Variants in SHISA9 observed in about 807,000 individuals in gnomAD.
SHISA9 encodes shisa family member 9.
A neutral mutation model predicts 38.0 loss-of-function variants in SHISA9; 13 were observed. The ratio of observed to expected loss-of-function variants is 0.34; its 90% CI spans 0.22 to 0.54. The LOEUF is 0.54. Among genes scored for constraint, SHISA9 ranks in the 20% least tolerant of loss-of-function variants. The pLI, the probability that SHISA9 is intolerant of heterozygous loss-of-function variation, is 0.91. For synonymous variants in SHISA9, 275 were observed against 242.0 expected (o/e 1.14, Z -1.27); for missense variants, 538 against 575.8 (o/e 0.93, Z 0.67).
intron 2 of SHISA9, among the ~76,000 whole-genome samples, chr16:13,020,946 G>C (rs907900414): frequency 3.9e-5 from 6 of 152,206 alleles, no homozygotes; most frequent in Admixed American, 1.3e-4. Context: ...TATCTCCCCA[G>C]TCCCGGGATT....
intron 2 of SHISA9, among the ~76,000 whole-genome samples, chr16:13,058,029 A>G (rs1348615475): frequency 6.6e-6 from 1 of 152,212 alleles, no homozygotes; most frequent in Non-Finnish European, 1.5e-5. Context: ...TATGTTAAAT[A>G]AGTGATTCTT....
chr16:13,398,384 TC>T, the SHISA9 span, among the ~76,000 whole-genome samples: 2 of 152,158 alleles, frequency 1.3e-5, no homozygotes, highest in Admixed American at 1.3e-4. Context: ...GAGTTGATAC[TC>T]CTAACCCCCG....
At chr16:13,067,413 C>G (rs2073447896) in intron 2 of SHISA9, among the ~76,000 whole-genome samples, 1 of 152,252 alleles carries the variant, frequency 6.6e-6, no homozygotes, top group Non-Finnish European at 1.5e-5. Context: ...AAGCTCTCCT[C>G]TCTGTGCCTT....
intron 2 of SHISA9, among the ~76,000 whole-genome samples, chr16:12,960,226 C>A (rs957172299): frequency 6.6e-6 from 1 of 152,142 alleles, no homozygotes; most frequent in South Asian, 2.1e-4. Context: ...TTTTTCCCTC[C>A]GTCACAATGT....
At chr16:13,276,005 A>G in the SHISA9 span, among the ~76,000 whole-genome samples, 1 of 151,922 alleles carries the variant, frequency 6.6e-6, no homozygotes, top group Non-Finnish European at 1.5e-5. Context: ...GTGATTTGTG[A>G]AATTTTGGTG....
chr16:13,359,462 G>A, the SHISA9 span, among the ~76,000 whole-genome samples: 1,246 of 152,286 alleles, frequency 8.2e-3, 22 homozygotes, highest in African/African-American at 0.029. Flanking sequence ...CTGCCTAGGT[G>A]ACAGAGTGAG....
At position 13,013,430 on chromosome 16, in the gene SHISA9, G is replaced by A. The variant is rs117517303; in HGVS notation, c.691+96615G>A. On this transcript the variant is annotated intron_variant, in intron 2 of 4. Coordinates refer to ENST00000558583, the MANE Select transcript of SHISA9 (RefSeq NM_001145204.3). ...CTGAACTTTCATCTGCCTGGAACATGTGGCTGGTGGCTCCTGGAAGGGATT... is the reference window on the plus strand; with the variant it reads ...CTGAACTTTCATCTGCCTGGAACATATGGCTGGTGGCTCCTGGAAGGGATT... Among the ~76,000 whole-genome samples, 999 of 152,294 alleles carry A rather than the reference G, an allele frequency of 6.6e-3. 7 individuals are homozygous for A. The highest frequency in any genetic ancestry group is 0.02 in the Middle Eastern group (6 of 294).
the SHISA9 span, among the ~76,000 whole-genome samples, chr16:13,368,112 C>T: frequency 2.6e-5 from 4 of 152,082 alleles, no homozygotes; most frequent in African/African-American, 9.7e-5. Context: ...GTTAATTCAA[C>T]CAGGTCAATC....
chr16:13,201,349 A>G (rs1247224506), intron 2 of SHISA9, among the ~76,000 whole-genome samples: 1 of 136,236 alleles, frequency 7.3e-6, no homozygotes, highest in Non-Finnish European at 1.6e-5. Context: ...AGTCATCTCT[A>G]GATTACTTAT....
At chr16:13,251,349 G>T in the SHISA9 span, among the ~76,000 whole-genome samples, 2 of 152,124 alleles carry the variant, frequency 1.3e-5, no homozygotes, top group African/African-American at 2.4e-5. Context: ...TCCAGTCATT[G>T]CCATGACAAC....
the SHISA9 span, among the ~76,000 whole-genome samples, chr16:13,318,164 A>G: frequency 1.3e-5 from 2 of 152,152 alleles, no homozygotes; most frequent in Non-Finnish European, 2.9e-5. Flanking sequence ...TAAGGAATAA[A>G]CTAGGTTTCC....
the SHISA9 span, among the ~76,000 whole-genome samples, chr16:13,422,779 A>G: frequency 5.9e-5 from 9 of 152,204 alleles, no homozygotes; most frequent in Non-Finnish European, 1.3e-4. Flanking sequence ...AAAAAGTTAC[A>G]TCTGAATGTT....
At chr16:13,453,538 C>T in the SHISA9 span, among the ~76,000 whole-genome samples, 1 of 152,192 alleles carries the variant, frequency 6.6e-6, no homozygotes, top group Non-Finnish European at 1.5e-5. Flanking sequence ...TGGAGGATGA[C>T]AGACACATGG....
At chr16:13,394,011 C>T in the SHISA9 span, among the ~76,000 whole-genome samples, 1 of 152,176 alleles carries the variant, frequency 6.6e-6, no homozygotes, top group African/African-American at 2.4e-5. Flanking sequence ...CGTGACCTTC[C>T]CACCCCATTG....
chr16:13,378,491 C>G, the SHISA9 span, among the ~76,000 whole-genome samples: 2 of 152,174 alleles, frequency 1.3e-5, no homozygotes, highest in African/African-American at 4.8e-5. Flanking sequence ...GAAATAGCCA[C>G]TGTGTCCAGG....
intron 2 of SHISA9, among the ~76,000 whole-genome samples, chr16:13,173,427 T>C (rs1299907549): frequency 1.3e-5 from 2 of 150,374 alleles, no homozygotes; most frequent in African/African-American, 4.9e-5. Flanking sequence ...TAATTGTAGA[T>C]TAGATTGGTT....
intron 2 of SHISA9, among the ~76,000 whole-genome samples, chr16:12,989,006 T>G (rs1173651132): frequency 1.3e-5 from 2 of 152,096 alleles, no homozygotes; most frequent in Non-Finnish European, 2.9e-5. Context: ...TTATCTGTGT[T>G]TTGTAGATGG....
At chr16:13,047,381 G>T (rs914888476) in intron 2 of SHISA9, among the ~76,000 whole-genome samples, 3 of 151,940 alleles carry the variant, frequency 2.0e-5, no homozygotes, top group Admixed American at 2.0e-4. Context: ...CAGGGGCAGG[G>T]CCTTCAGCTG....
chr16:12,994,386 C>G (rs1161237851), intron 2 of SHISA9, among the ~76,000 whole-genome samples: 1 of 152,206 alleles, frequency 6.6e-6, no homozygotes. Flanking sequence ...CCTTACTCCA[C>G]TGATGCTGGG....
Sources: gnomAD v4.1 joint callset for allele counts (sites outside exome capture counted in the v4.1 genomes callset) on GRCh38, gnomAD v4.1.1 for gene constraint, MANE v1.5 for transcripts, NCBI Gene and HGNC (gene_info 2026-07-23, HGNC 2026-07-21) for gene names.